The following DSG3 variants were observed in gnomAD, a reference collection of about 807,000 sequenced individuals.
The protein encoded by DSG3 is desmoglein-3.
DSG3 carries 63 observed loss-of-function variants against 85.9 expected under a neutral mutation model. The observed-to-expected ratio is 0.73, with a 90% CI of 0.60 to 0.90. DSG3 has a LOEUF of 0.90. Among genes scored for constraint, DSG3 ranks in the 40% least tolerant of loss-of-function variants. The pLI is 0.00. For missense variants in DSG3, 1,220 were observed against 1,219.9 expected, an observed-to-expected ratio of 1.00 and a Z score of 0.00; for synonymous variants, 447 against 441.9, an observed-to-expected ratio of 1.01 and a Z score of -0.14.
chr18:31,469,179 G>T lies in DSG3; in HGVS notation c.1727G>T (p.Cys576Phe). 1.9e-6 allele frequency: 3 copies of T among 1,614,188 alleles called. No homozygotes were observed. The Admixed American group carries it at 5.0e-5, about 27-fold the overall frequency. ...LVLTDSQNNR[C>F]EMPRSLTLEV... ...CTTACAGACAGTCAGAACAATCGGT[G>T]TGAGATGCCACGCAGCTTGACACTG... is the stretch of plus-strand genomic sequence containing the variant. The change falls in exon 12 of 16, where the codon TGT (cysteine) becomes TTT (phenylalanine). Residue 576 changes from cysteine (C) to phenylalanine (F), a missense_variant. Transcript: ENST00000257189.
chr18:31,447,932 C>A lies in DSG3; in HGVS notation c.48+7C>A. 1 of 1,555,676 alleles carries A rather than the reference C, an allele frequency of 6.4e-7. No individual in the cohort carries two copies. Among genetic ancestry groups the A allele is most frequent in the South Asian group, 1.2e-5 (1 of 82,696 alleles). On this transcript the variant is annotated splice_region_variant and intron_variant, in intron 1 of 15. Coordinates refer to ENST00000257189, the MANE Select transcript of DSG3 (RefSeq NM_001944.3). ...GGCTCTGGCCATCTTCGTGGTAAGT[C>A]CTGGATTTTCCTAATAATCACAAAC...
At chr18:31,454,686 T>TCTC (rs75267917) in intron 1 of DSG3, among the ~76,000 whole-genome samples, 1 of 151,592 alleles carries the variant, frequency 6.6e-6, no homozygotes, top group Non-Finnish European at 1.5e-5. Context: ...TTTTTTTTTT[T>TCTC]TCTCTTTATG....
intron 6 of DSG3, 60 bp downstream of exon 6, chr18:31,460,071 A>G: frequency 6.6e-7 from 1 of 1,512,084 alleles, no homozygotes; most frequent in South Asian, 1.3e-5. Context: ...AAGAAAACCA[A>G]GAGAGGTGAC....
At chr18:31,447,951 C>G in intron 1 of DSG3, 26 bp downstream of exon 1, 7 of 1,524,756 alleles carry the variant, frequency 4.6e-6, no homozygotes, top group Non-Finnish European at 6.2e-6. Context: ...TCCTAATAAT[C>G]ACAAACTTCC....
chr18:31,467,065 G>T (rs2072826473), intron 11 of DSG3, among the ~76,000 whole-genome samples: 1 of 152,180 alleles, frequency 6.6e-6, no homozygotes, highest in East Asian at 1.9e-4. Context: ...TCTAGGTGGG[G>T]CACGGTGGCT....
chr18:31,450,884 T>G (rs139894498), intron 1 of DSG3, among the ~76,000 whole-genome samples: 62 of 152,334 alleles, frequency 4.1e-4, no homozygotes, highest in African/African-American at 1.4e-3. Flanking sequence ...TCTTGATAAC[T>G]TCTTCACATT....
chr18:31,476,137 G>A lies in DSG3; in HGVS notation c.2877G>A (p.Val959=), dbSNP rs2072886032. ...TTGATCCACTTCTCACACAAAATGTGATAGTGACAGAAAGGGTGATCTGTC... is the reference window on the plus strand; with the variant it reads ...TTGATCCACTTCTCACACAAAATGTAATAGTGACAGAAAGGGTGATCTGTC... ...AGFDPLLTQN[V]IVTERVICPI... is the part of the protein sequence containing the mutation. The change falls in exon 16 of 16, where the codon GTG becomes GTA. Residue 959 remains valine (V), a synonymous_variant. Coordinates refer to ENST00000257189, the MANE Select transcript of DSG3 (RefSeq NM_001944.3). 4 of 1,614,144 alleles carry A rather than the reference G, an allele frequency of 2.5e-6. No individual in the cohort carries two copies. Among genetic ancestry groups the A allele is most frequent in the Non-Finnish European group, 3.4e-6 (4 of 1,180,044 alleles).
Position 31,477,202 on chromosome 18 carries a change from A to T in DSG3, c.*942A>T, listed in dbSNP as rs2072894798. The T allele has an allele frequency of 6.6e-6, 1 of 152,234 alleles. No homozygotes were observed. The highest frequency in any genetic ancestry group is 6.5e-5 in the Admixed American group (1 of 15,280). The allele number at this position is 152,234 out of a possible 1,614,324, so 9.4% of individuals were successfully genotyped here. On this transcript the variant is annotated 3_prime_UTR_variant, in exon 16 of 16. Transcript: ENST00000257189. ...ATAGAAATATCATAGAACATTTAAG[A>T]AAGTTTAGTATAAATAATATTTTGT...
chr18:31,455,700 A>G (rs1283826908), intron 1 of DSG3, among the ~76,000 whole-genome samples: 1 of 152,224 alleles, frequency 6.6e-6, no homozygotes, highest in African/African-American at 2.4e-5. Context: ...GACACAGATG[A>G]ATGTCTCATA....
chr18:31,465,557 T>C, intron 10 of DSG3, 100 bp downstream of exon 10: 1 of 1,102,474 alleles, frequency 9.1e-7, no homozygotes. Flanking sequence ...TCTTTACCAC[T>C]GGAGAGAGAG....
intron 1 of DSG3, among the ~76,000 whole-genome samples, chr18:31,455,648 G>A (rs923466062): frequency 1.3e-5 from 2 of 152,190 alleles, no homozygotes; most frequent in African/African-American, 4.8e-5. Flanking sequence ...GGGTGGAGTA[G>A]AAAGAGGTAA....
chr18:31,449,058 G>A lies in DSG3; in HGVS notation c.48+1133G>A, dbSNP rs143372027. On this transcript the variant is annotated intron_variant, in intron 1 of 15. Coordinates refer to ENST00000257189, the MANE Select transcript of DSG3 (RefSeq NM_001944.3). ...TTACAGGCGTGCACCACCACAGCCA[G>A]CTAATTTTTTTGTATTGTTAGTAGA... Among the ~76,000 whole-genome samples, 823 of 152,244 alleles carry A rather than the reference G, an allele frequency of 5.4e-3. 3 individuals are homozygous for A. The highest frequency in any genetic ancestry group is 8.8e-3 in the Non-Finnish European group (597 of 68,014).
chr18:31,461,086 C>T, intron 7 of DSG3, 125 bp downstream of exon 7: 1 of 1,257,904 alleles, frequency 7.9e-7, no homozygotes, highest in South Asian at 1.7e-5. Context: ...AAGAAATATG[C>T]TTTTTAAAAA....
At chr18:31,448,750 A>G (rs2072693862) in intron 1 of DSG3, among the ~76,000 whole-genome samples, 1 of 152,078 alleles carries the variant, frequency 6.6e-6, no homozygotes. Context: ...AACAATTCCT[A>G]ATGCTAATTT....
chr18:31,460,629 A>C (rs1296511233), intron 6 of DSG3, among the ~76,000 whole-genome samples: 1 of 152,170 alleles, frequency 6.6e-6, no homozygotes, highest in Non-Finnish European at 1.5e-5. Flanking sequence ...AGGTTACGGT[A>C]GAGTACAGTC....
chr18:31,457,581 CTTTCTTCTTTCTTTCTTTCTTTCT>C lies in DSG3; in HGVS notation c.216+460_216+483del, dbSNP rs1173232711. ...TCTTTCTTTCTTTCTTTCTTTCTTT[CTTTCTTCTTTCTTTCTTTCTTTCT>C]TTCTTTCTTTCTTTCTTTCTTTCTT... On this transcript the variant is annotated intron_variant, in intron 3 of 15. Coordinates refer to ENST00000257189, the MANE Select transcript of DSG3 (RefSeq NM_001944.3). 9.7e-3 allele frequency among the ~76,000 whole-genome samples: 778 copies of C among 80,490 alleles called. 7 individuals carry two copies. Among genetic ancestry groups the C allele is most frequent in the African/African-American group, 0.03 (513 of 16,872 alleles). 52.8% of individuals were successfully genotyped at this position (80,490 alleles called of 152,430 possible). A position where few individuals can be genotyped will look rare whatever the true frequency, so the allele number is the denominator to read the frequency against.
Position 31,447,926 on chromosome 18 carries a change from G to T in DSG3, c.48+1G>T, listed in dbSNP as rs779481120. The T allele has an allele frequency of 3.8e-6, 6 of 1,580,624 alleles. No homozygotes were observed. In the South Asian group the frequency reaches 6.9e-5, roughly 18 times the overall value. On this transcript the variant is annotated splice_donor_variant, in intron 1 of 15. Transcript: ENST00000257189. LOFTEE classifies it high-confidence loss of function. ...TACAGGGGCTCTGGCCATCTTCGTG[G>T]TAAGTCCTGGATTTTCCTAATAATC... is the stretch of plus-strand genomic sequence containing the variant.
intron 8 of DSG3, among the ~76,000 whole-genome samples, chr18:31,461,766 T>A (rs2072787943): frequency 6.6e-6 from 1 of 152,208 alleles, no homozygotes; most frequent in African/African-American, 2.4e-5. Context: ...AACAATCAGA[T>A]TGAAGTTAGG....
At chr18:31,472,819 G>C (rs1431968817) in intron 14 of DSG3, 31 bp downstream of exon 14, 10 of 1,588,866 alleles carry the variant, frequency 6.3e-6, no homozygotes, top group Non-Finnish European at 8.6e-6. Flanking sequence ...TGAAAGCAAT[G>C]GTGAGTTAAG....
Sources: allele counts gnomAD v4.1 joint callset (sites outside exome capture counted in the v4.1 genomes callset), GRCh38; gene constraint gnomAD v4.1.1; transcripts MANE v1.5; gene names NCBI Gene and HGNC (gene_info 2026-07-23, HGNC 2026-07-21).